Variants in PRKAR2B observed in about 807,000 individuals in gnomAD.
The protein encoded by PRKAR2B is cAMP-dependent protein kinase type II-beta regulatory subunit.
In PRKAR2B, 14 loss-of-function variants were observed where a neutral mutation model predicts 49.9. The ratio of observed to expected loss-of-function variants is 0.28; its 90% CI spans 0.19 to 0.44. The LOEUF (loss-of-function observed/expected upper bound fraction) is 0.44, where lower values mean the gene tolerates loss of function less well. Among genes scored for constraint, PRKAR2B ranks in the 20% least tolerant of loss-of-function variants. The pLI, the probability that PRKAR2B is intolerant of heterozygous loss-of-function variation, is 1.00. For synonymous variants in PRKAR2B, 196 were observed against 197.7 expected (o/e 0.99, Z 0.07); for missense variants, 393 against 537.9 (o/e 0.73, Z 2.67).
intron 5 of PRKAR2B, among the ~76,000 whole-genome samples, chr7:107,143,522 C>G (rs1795827287): frequency 6.6e-6 from 1 of 152,194 alleles, no homozygotes; most frequent in African/African-American, 2.4e-5. Flanking sequence ...TACTATGCTG[C>G]TTAGTTGCCC....
intron 1 of PRKAR2B, among the ~76,000 whole-genome samples, chr7:107,055,318 G>A (rs532793506): frequency 3.3e-5 from 5 of 152,258 alleles, no homozygotes; most frequent in South Asian, 2.1e-4. Context: ...AATCCTTTGG[G>A]TATATACCCA....
chr7:107,120,792 T>C (rs1003058534), intron 2 of PRKAR2B, among the ~76,000 whole-genome samples: 1 of 151,996 alleles, frequency 6.6e-6, no homozygotes, highest in Non-Finnish European at 1.5e-5. Context: ...ATAAAAACTT[T>C]GTAGTTACAA....
At chr7:107,081,265 T>C (rs1794509535) in intron 2 of PRKAR2B, among the ~76,000 whole-genome samples, 2 of 152,206 alleles carry the variant, frequency 1.3e-5, no homozygotes, top group Non-Finnish European at 2.9e-5. Context: ...TCCTTTAGCT[T>C]TTTAGATGAA....
chr7:107,152,104 G>A (rs576121600), intron 7 of PRKAR2B, among the ~76,000 whole-genome samples: 2 of 152,280 alleles, frequency 1.3e-5, no homozygotes, highest in Admixed American at 1.3e-4. Flanking sequence ...CAGTGTCTCA[G>A]GCCAAAAACC....
At chr7:107,154,153 A>G (rs1335655224) in intron 8 of PRKAR2B, among the ~76,000 whole-genome samples, 1 of 152,190 alleles carries the variant, frequency 6.6e-6, no homozygotes, top group Non-Finnish European at 1.5e-5. Flanking sequence ...TTAAAGTTCT[A>G]CTGTATAAAC....
chr7:107,105,132 T>C (rs1458188236), intron 2 of PRKAR2B, among the ~76,000 whole-genome samples: 1 of 152,168 alleles, frequency 6.6e-6, no homozygotes, highest in African/African-American at 2.4e-5. Flanking sequence ...GTAACCAACA[T>C]TGAGTTTTAA....
intron 2 of PRKAR2B, among the ~76,000 whole-genome samples, chr7:107,102,060 A>G (rs1330879401): frequency 6.6e-6 from 1 of 152,074 alleles, no homozygotes; most frequent in Non-Finnish European, 1.5e-5. Context: ...ACAAAAAATT[A>G]GCCGGGCATG....
At chr7:107,062,233 A>G (rs1482256093) in intron 1 of PRKAR2B, among the ~76,000 whole-genome samples, 1 of 152,218 alleles carries the variant, frequency 6.6e-6, no homozygotes, top group Non-Finnish European at 1.5e-5. Context: ...CTTTTATTCA[A>G]CCAAAGTTAT....
chr7:107,078,636 A>G (rs1794454678), intron 2 of PRKAR2B, among the ~76,000 whole-genome samples: 1 of 151,954 alleles, frequency 6.6e-6, no homozygotes, highest in South Asian at 2.1e-4. Context: ...ATTTCCAGCC[A>G]CTTGCCCCTC....
intron 1 of PRKAR2B, among the ~76,000 whole-genome samples, chr7:107,060,091 G>A (rs188473463): frequency 2.5e-4 from 38 of 152,144 alleles, no homozygotes; most frequent in Admixed American, 8.5e-4. Flanking sequence ...TATTAGTAAC[G>A]TGTAAGTTCC....
chr7:107,133,484 T>C (rs374376980), intron 4 of PRKAR2B: 4 of 152,210 alleles, frequency 2.6e-5, no homozygotes, highest in African/African-American at 7.2e-5. Context: ...AATCATTTAA[T>C]CAACCTTTAG....
intron 1 of PRKAR2B, among the ~76,000 whole-genome samples, chr7:107,053,563 TG>T (rs1438565328): frequency 1.3e-5 from 2 of 151,822 alleles, no homozygotes; most frequent in African/African-American, 4.8e-5. Flanking sequence ...TGTGTGTGTG[TG>T]TGTGTCTTTT....
At chr7:107,088,566 CAT>C (rs557582890) in intron 2 of PRKAR2B, among the ~76,000 whole-genome samples, 91 of 152,282 alleles carry the variant, frequency 6.0e-4, no homozygotes, top group African/African-American at 2.0e-3. Flanking sequence ...ATTTACTCCT[CAT>C]GTGATTCTCA....
At chr7:107,130,834 A>C (rs1456751285) in intron 4 of PRKAR2B, among the ~76,000 whole-genome samples, 1 of 152,212 alleles carries the variant, frequency 6.6e-6, no homozygotes, top group African/African-American at 2.4e-5. Flanking sequence ...TGGTAAAATT[A>C]ATCCTTACTT....
intron 2 of PRKAR2B, among the ~76,000 whole-genome samples, chr7:107,102,346 C>A (rs1438625635): frequency 6.6e-6 from 1 of 152,204 alleles, no homozygotes; most frequent in African/African-American, 2.4e-5. Flanking sequence ...AACTCCCCAC[C>A]CCTTTTCTAG....
chr7:107,119,994 A>G (rs2115580529), intron 2 of PRKAR2B, among the ~76,000 whole-genome samples: 1 of 152,312 alleles, frequency 6.6e-6, no homozygotes, highest in Non-Finnish European at 1.5e-5. Context: ...GAGTCAAGAC[A>G]CACAATCCTG....
At chr7:107,128,124 G>T in intron 3 of PRKAR2B, 88 bp from the exon 4 acceptor site, 1 of 842,248 alleles carries the variant, frequency 1.2e-6, no homozygotes, top group Non-Finnish European at 1.9e-6. Context: ...TTCTAATGTT[G>T]GTTCTGATTT....
intron 2 of PRKAR2B, among the ~76,000 whole-genome samples, chr7:107,107,804 C>T (rs1024555574): frequency 5.3e-5 from 8 of 151,926 alleles, no homozygotes; most frequent in Non-Finnish European, 7.4e-5. Flanking sequence ...ACTATAGGTG[C>T]GCGCCACCAT....
intron 4 of PRKAR2B, among the ~76,000 whole-genome samples, chr7:107,130,096 G>A (rs868189625): frequency 8.6e-5 from 13 of 152,042 alleles, no homozygotes; most frequent in African/African-American, 2.2e-4. Flanking sequence ...CATGCACCTC[G>A]GACACTTTTA....
Sources: gnomAD v4.1 joint callset for allele counts (sites outside exome capture counted in the v4.1 genomes callset) on GRCh38, gnomAD v4.1.1 for gene constraint, MANE v1.5 for transcripts, NCBI Gene and HGNC (gene_info 2026-07-23, HGNC 2026-07-21) for gene names.